Variants in KIAA1549L observed in about 807,000 individuals in gnomAD.
The protein encoded by KIAA1549L is KIAA1549 like, also known as UPF0606 protein KIAA1549L.
Under a neutral mutation model 160.7 loss-of-function variants are expected in KIAA1549L, and 88 were observed. The observed-to-expected ratio is 0.55, with a 90% confidence interval of 0.46 to 0.65. The LOEUF (loss-of-function observed/expected upper bound fraction) is 0.65. KIAA1549L is among the 30% of genes least tolerant of loss of function. KIAA1549L has a pLI of 0.00. For synonymous variants in KIAA1549L, 950 were observed against 976.7 expected, an observed-to-expected ratio of 0.97 and a Z score of 0.51; for missense variants, 2,258 against 2,437.5, an observed-to-expected ratio of 0.93 and a Z score of 1.55.
At chr11:33,581,334 C>T (rs117501217) in intron 10 of KIAA1549L, among the ~76,000 whole-genome samples, 4,852 of 151,910 alleles carry the variant, frequency 0.032, 115 homozygotes, top group Non-Finnish European at 0.049. Context: ...ATTTGCTGTA[C>T]GTGAGAATAA....
chr11:33,580,984 C>A (rs1054116143), intron 10 of KIAA1549L, among the ~76,000 whole-genome samples: 1 of 152,122 alleles, frequency 6.6e-6, no homozygotes, highest in African/African-American at 2.4e-5. Context: ...AGGCAAGGGT[C>A]CCTGAGGATA....
In KIAA1549L at chr11:33,407,124, G is replaced by A. The variant is rs558977799; in HGVS notation, c.238+30235G>A. ...TTTTGAGACGGAGTCTCGCTCTGTC[G>A]TCCAGGCTGGAGTGCAGTGGCGTGA... is the stretch of plus-strand genomic sequence containing the variant. On this transcript the variant is annotated intron_variant, in intron 1 of 20. Coordinates refer to ENST00000658780, the MANE Select transcript of KIAA1549L (RefSeq NM_012194.3). Among the ~76,000 whole-genome samples, 9 of 120,514 alleles carry A rather than the reference G, an allele frequency of 7.5e-5. No homozygotes were observed. The East Asian group carries it at 1.2e-3, about 17-fold the overall frequency. 79.1% of individuals were successfully genotyped at this position (120,514 alleles called of 152,430 possible).
At chr11:33,560,801 G>A (rs995796040) in intron 7 of KIAA1549L, among the ~76,000 whole-genome samples, 3 of 152,062 alleles carry the variant, frequency 2.0e-5, no homozygotes, top group African/African-American at 7.2e-5. Context: ...GATAATACGC[G>A]TGAATGTACT....
At chr11:33,618,154 G>A (rs1054121733) in intron 15 of KIAA1549L, among the ~76,000 whole-genome samples, 2 of 152,222 alleles carry the variant, frequency 1.3e-5, no homozygotes, top group African/African-American at 4.8e-5. Flanking sequence ...GGAACAGGAG[G>A]TTGCTGAGTC....
chr11:33,567,706 A>G (rs887986878), intron 8 of KIAA1549L, among the ~76,000 whole-genome samples: 1 of 152,240 alleles, frequency 6.6e-6, no homozygotes, highest in African/African-American at 2.4e-5. Flanking sequence ...GTGGACTTTT[A>G]GCAACACAGA....
chr11:33,640,167 G>C (rs1361990052), intron 16 of KIAA1549L, among the ~76,000 whole-genome samples: 1 of 151,976 alleles, frequency 6.6e-6, no homozygotes, highest in Non-Finnish European at 1.5e-5. Context: ...ACATATATAT[G>C]TATATGTGTG....
At chr11:33,663,723 AC>A (rs1852343055) in intron 20 of KIAA1549L, among the ~76,000 whole-genome samples, 1 of 152,068 alleles carries the variant, frequency 6.6e-6, no homozygotes, top group African/African-American at 2.4e-5. Context: ...GCTCCTCAGA[AC>A]CCCAGGTTCT....
At position 33,611,817 on chromosome 11, in the gene KIAA1549L, G is replaced by T. The variant is rs1230509287; in HGVS notation, c.5279+1851G>T. 2.0e-5 allele frequency among the ~76,000 whole-genome samples: 3 copies of T among 152,252 alleles called. No homozygotes were observed. In the East Asian group the frequency reaches 5.8e-4, roughly 29 times the overall value. On this transcript the variant is annotated intron_variant, in intron 15 of 20. Coordinates refer to ENST00000658780, the MANE Select transcript of KIAA1549L (RefSeq NM_012194.3). ...ATTGTGTTAACATAATCATTTTCAT[G>T]TACAAATTAAAGAAACTTAGGAAGT...
chr11:33,547,839 C>T lies in KIAA1549L; in HGVS notation c.3461C>T (p.Ala1154Val), dbSNP rs1854317353. 1 of 1,613,488 alleles carries T rather than the reference C, an allele frequency of 6.2e-7. No homozygotes were observed. Among genetic ancestry groups the T allele is most frequent in the Non-Finnish European group, 8.5e-7 (1 of 1,179,590 alleles). The change falls in exon 4 of 21, where the codon GCA (alanine) becomes GTA (valine). Residue 1154 changes from alanine (A) to valine (V), a missense_variant. Around this residue, in one of 6 missense-constraint regions of KIAA1549L, gnomAD observed 1,359 missense variants for 1,546.6 expected, o/e 0.88. Coordinates refer to ENST00000658780, the MANE Select transcript of KIAA1549L (RefSeq NM_012194.3). ...AGTATCGCCAAAGGGCTCACACAGG[C>T]ATTGCGGAAGGCTTTCCACCAGAAC... ...KFSIAKGLTQ[A>V]LRKAFHQNDV...
chr11:33,446,488 A>G (rs890349816), intron 1 of KIAA1549L, among the ~76,000 whole-genome samples: 3 of 152,074 alleles, frequency 2.0e-5, no homozygotes, highest in African/African-American at 7.2e-5. Flanking sequence ...AAATTACCCA[A>G]CACTTAGTGG....
chr11:33,649,865 A>AT (rs1256134806), intron 17 of KIAA1549L, among the ~76,000 whole-genome samples: 14 of 151,586 alleles, frequency 9.2e-5, no homozygotes, highest in Non-Finnish European at 2.1e-4. Flanking sequence ...CATCTCAAAA[A>AT]AAAAAAAAAA....
intron 20 of KIAA1549L, among the ~76,000 whole-genome samples, chr11:33,661,418 C>G (rs368429545): frequency 1.3e-5 from 2 of 152,080 alleles, no homozygotes; most frequent in Non-Finnish European, 2.9e-5. Flanking sequence ...AAATCAGGGC[C>G]GAGTCAGGGG....
At chr11:33,540,265 ATTTGT>A (rs1175012147) in intron 1 of KIAA1549L, among the ~76,000 whole-genome samples, 1 of 152,218 alleles carries the variant, frequency 6.6e-6, no homozygotes. Flanking sequence ...AACAAGATGA[ATTTGT>A]TTTGATTCTG....
chr11:33,380,310 C>T (rs1850048793), intron 1 of KIAA1549L, among the ~76,000 whole-genome samples: 1 of 152,114 alleles, frequency 6.6e-6, no homozygotes, highest in Admixed American at 6.5e-5. Flanking sequence ...ACTCCTGTTC[C>T]TCCTGCTTGG....
At chr11:33,571,754 A>G (rs556402806) in intron 9 of KIAA1549L, among the ~76,000 whole-genome samples, 2 of 152,286 alleles carry the variant, frequency 1.3e-5, no homozygotes, top group South Asian at 2.1e-4. Context: ...CTGGGATTAC[A>G]CAATTCAACA....
intron 17 of KIAA1549L, among the ~76,000 whole-genome samples, chr11:33,655,058 C>T (rs1317857132): frequency 6.6e-6 from 1 of 152,148 alleles, no homozygotes; most frequent in Non-Finnish European, 1.5e-5. Context: ...ATGAGAACCG[C>T]AAGTGAAGCT....
chr11:33,609,628 T>C (rs1850593776), intron 14 of KIAA1549L, 121 bp from the exon 15 acceptor site: 2 of 737,850 alleles, frequency 2.7e-6, no homozygotes, highest in African/African-American at 3.5e-5. Flanking sequence ...CCTGGCTAGC[T>C]CAGAGGCCCG....
At chr11:33,415,047 A>G (rs528540055) in intron 1 of KIAA1549L, among the ~76,000 whole-genome samples, 1 of 152,040 alleles carries the variant, frequency 6.6e-6, no homozygotes, top group Admixed American at 6.5e-5. Flanking sequence ...TGCCAAATCA[A>G]TGACTCTTCC....
rs56310347 is a variant in KIAA1549L at position 33,633,139 on chromosome 11, C to CTTTTTTTTTTTTT, written c.5410-12528_5410-12516dup. On this transcript the variant is annotated intron_variant, in intron 16 of 20. Coordinates refer to ENST00000658780, the MANE Select transcript of KIAA1549L (RefSeq NM_012194.3). Reference sequence around the variant, plus strand: ...GACAGGTGCCCACCACCATGCCCAGCTTTTTTTTTTTTTTTTTTTTTTTTT... The same window carrying CTTTTTTTTTTTTT: ...GACAGGTGCCCACCACCATGCCCAGCTTTTTTTTTTTTTTTTTTTTTTTTTTTTTTTTTTTTTT... Among the ~76,000 whole-genome samples, 33 of 50,734 alleles carry CTTTTTTTTTTTTT rather than the reference C, an allele frequency of 6.5e-4. 2 individuals carry two copies. The highest frequency in any genetic ancestry group is 1.3e-3 in the African/African-American group (15 of 11,778). 33.3% of individuals were successfully genotyped at this position (50,734 alleles called of 152,430 possible). A position where few individuals can be genotyped will look rare whatever the true frequency, so the allele number is the denominator to read the frequency against.
Sources: allele counts gnomAD v4.1 joint callset (sites outside exome capture counted in the v4.1 genomes callset), GRCh38; gene constraint gnomAD v4.1.1; regional missense constraint gnomAD v4.1.1; transcripts MANE v1.5; gene names NCBI Gene and HGNC (gene_info 2026-07-23, HGNC 2026-07-21).